Variants in FAM110B observed in about 807,000 individuals in gnomAD.
The protein encoded by FAM110B is protein FAM110B.
FAM110B carries 6 observed loss-of-function variants against 20.4 expected under a neutral mutation model. That is an observed-to-expected ratio of 0.29 (90% CI 0.16 to 0.58). The LOEUF (loss-of-function observed/expected upper bound fraction) is 0.58. Among genes scored for constraint, FAM110B ranks in the 20% least tolerant of loss-of-function variants. The pLI, the probability that FAM110B is intolerant of heterozygous loss-of-function variation, is 0.90. For synonymous variants in FAM110B, 226 were observed against 214.1 expected (o/e 1.06, Z -0.49); for missense variants, 434 against 498.2 (o/e 0.87, Z 1.23).
intron 3 of FAM110B, among the ~76,000 whole-genome samples, chr8:58,112,027 T>G (rs1807070068): frequency 6.6e-6 from 1 of 152,334 alleles, no homozygotes; most frequent in South Asian, 2.1e-4. Flanking sequence ...TATTAAAGTT[T>G]AAAATTAGTA....
At chr8:58,020,903 C>T (rs1316811318) in intron 1 of FAM110B, among the ~76,000 whole-genome samples, 2 of 139,862 alleles carry the variant, frequency 1.4e-5, no homozygotes, top group South Asian at 2.2e-4. Flanking sequence ...CTGATCTAGA[C>T]GAGGCGTCCT....
rs1330229816 is a variant in FAM110B, at chr8:58,147,568, A to G, written c.*225A>G. 6 of 577,928 alleles carry G rather than the reference A, an allele frequency of 1.0e-5. No homozygotes were observed. The highest frequency in any genetic ancestry group is 1.9e-5 in the Non-Finnish European group (6 of 322,050). The allele number at this position is 577,928 out of a possible 1,614,324, so 35.8% of individuals were successfully genotyped here. A position where few individuals can be genotyped will look rare whatever the true frequency, so the allele number is the denominator to read the frequency against. On this transcript the variant is annotated 3_prime_UTR_variant, in exon 4 of 4. Coordinates refer to ENST00000519262, the MANE Select transcript of FAM110B (RefSeq NM_001377989.1). The stretch of plus-strand genomic sequence containing the variant: ...CATCTGCCAAAAGTTTCAGGCCAGA[A>G]TCTAATTAGGGCTTTGCTCGTAAGC...
intron 2 of FAM110B, among the ~76,000 whole-genome samples, chr8:58,051,327 T>C (rs1325607664): frequency 6.6e-6 from 1 of 152,154 alleles, no homozygotes; most frequent in African/African-American, 2.4e-5. Context: ...CAGATTAACC[T>C]TGAAGCTGTG....
At chr8:58,023,280 C>G (rs1363406780) in intron 1 of FAM110B, among the ~76,000 whole-genome samples, 1 of 152,090 alleles carries the variant, frequency 6.6e-6, no homozygotes, top group Non-Finnish European at 1.5e-5. Context: ...GAAGTGCTTT[C>G]TACTTTAGGT....
chr8:58,051,933 T>A (rs1805451215), intron 2 of FAM110B, among the ~76,000 whole-genome samples: 1 of 152,222 alleles, frequency 6.6e-6, no homozygotes, highest in Non-Finnish European at 1.5e-5. Context: ...CTATAACATT[T>A]ATTACTCTGG....
rs1803411751 is a variant in FAM110B, at chr8:58,129,959, T to C, written c.-324-15948T>C. ...TTAAATTCTTATTACAGTTTATCTT[T>C]AAAATTCTGCCTTCATGTTCTGTCT... is the stretch of plus-strand genomic sequence containing the variant. On this transcript the variant is annotated intron_variant, in intron 3 of 3. Coordinates refer to ENST00000519262, the MANE Select transcript of FAM110B (RefSeq NM_001377989.1). Among the ~76,000 whole-genome samples the C allele has an allele frequency of 2.6e-5, 4 of 152,222 alleles. No homozygotes were observed. The South Asian group carries it at 8.3e-4, about 32-fold the overall frequency.
rs199616146 is a variant in FAM110B, at chr8:58,146,748, G to A, written c.518G>A (p.Ser173Asn). ...GTCTACCCCACGCAGGGCCGCAGGA[G>A]CCCGCAGGAGGGCGGCTCCCACGTG... ...LKVYPTQGRRSPQEGGSHVGR... is the reference protein window; with the variant it reads ...LKVYPTQGRRNPQEGGSHVGR... The change falls in exon 4 of 4, where the codon AGC (serine) becomes AAC (asparagine). Residue 173 changes from serine (S) to asparagine (N), a missense_variant. By Grantham distance (46) the Ser-to-Asn change is conservative. Coordinates refer to ENST00000519262, the MANE Select transcript of FAM110B (RefSeq NM_001377989.1). 1 of 1,612,032 alleles carries A rather than the reference G, an allele frequency of 6.2e-7. No homozygotes were observed.
intron 3 of FAM110B, among the ~76,000 whole-genome samples, chr8:58,096,166 C>A (rs986749779): frequency 6.6e-6 from 1 of 152,132 alleles, no homozygotes; most frequent in African/African-American, 2.4e-5. Flanking sequence ...CTGAGTACAG[C>A]ATACCAATGG....
intron 2 of FAM110B, among the ~76,000 whole-genome samples, chr8:58,039,389 C>G (rs1053336216): frequency 1.3e-5 from 2 of 152,210 alleles, no homozygotes; most frequent in Non-Finnish European, 2.9e-5. Flanking sequence ...TGGAGCACCA[C>G]AGGCCTGTTC....
At chr8:58,118,909 T>C (rs1316518146) in intron 3 of FAM110B, among the ~76,000 whole-genome samples, 1 of 152,252 alleles carries the variant, frequency 6.6e-6, no homozygotes. Context: ...GTCTCATTTT[T>C]AGATTCTTGT....
At chr8:58,109,867 T>C in intron 3 of FAM110B, among the ~76,000 whole-genome samples, 1 of 152,354 alleles carries the variant, frequency 6.6e-6, no homozygotes, top group Middle Eastern at 3.4e-3. Context: ...CAACTGATTT[T>C]TTATGGGAGA....
chr8:58,010,163 C>T (rs932456877), intron 1 of FAM110B, among the ~76,000 whole-genome samples: 15 of 151,562 alleles, frequency 9.9e-5, no homozygotes, highest in Admixed American at 2.6e-4. Context: ...ATTACAGATG[C>T]GCAACATGAC....
intron 1 of FAM110B, among the ~76,000 whole-genome samples, chr8:58,002,864 G>C (rs945177435): frequency 3.3e-5 from 5 of 152,190 alleles, no homozygotes; most frequent in African/African-American, 1.2e-4. Flanking sequence ...GCTGGTGACT[G>C]ATCAGGGTGG....
At chr8:58,059,997 AT>A (rs1805623325) in intron 2 of FAM110B, among the ~76,000 whole-genome samples, 1 of 151,706 alleles carries the variant, frequency 6.6e-6, no homozygotes, top group African/African-American at 2.4e-5. Flanking sequence ...AATACTTTAA[AT>A]TTTTCATTGT....
At chr8:58,114,791 CT>C (rs974064915) in intron 3 of FAM110B, among the ~76,000 whole-genome samples, 2 of 152,168 alleles carry the variant, frequency 1.3e-5, no homozygotes, top group African/African-American at 4.8e-5. Flanking sequence ...TATTTTATCT[CT>C]TTTTGCAGAT....
rs1331079470 is a variant in FAM110B at position 58,148,169 on chromosome 8, T to TG, written c.*826_*827insG. The TG allele has an allele frequency of 6.8e-6, 1 of 147,966 alleles. No homozygotes were observed. Among genetic ancestry groups the TG allele is most frequent in the Admixed American group, 7.6e-5 (1 of 13,076 alleles). 9.2% of individuals were successfully genotyped at this position (147,966 alleles called of 1,614,324 possible). A position where few individuals can be genotyped will look rare whatever the true frequency, so the allele number is the denominator to read the frequency against. ...AAAAAAAAAGTTGTGGTTTTTTGTTTTTTTTTTTTTTTTTTTTGGTCGAGA... is the reference window on the plus strand; with the variant it reads ...AAAAAAAAAGTTGTGGTTTTTTGTTTGTTTTTTTTTTTTTTTTTGGTCGAGA... On this transcript the variant is annotated 3_prime_UTR_variant, in exon 4 of 4. Transcript: ENST00000519262.
At chr8:58,041,615 A>G (rs1805223051) in intron 2 of FAM110B, among the ~76,000 whole-genome samples, 1 of 152,210 alleles carries the variant, frequency 6.6e-6, no homozygotes, top group Non-Finnish European at 1.5e-5. Context: ...TCTTGTTGCC[A>G]GGTAGGGAAG....
At chr8:58,040,833 C>G (rs552328135) in intron 2 of FAM110B, among the ~76,000 whole-genome samples, 1 of 151,552 alleles carries the variant, frequency 6.6e-6, no homozygotes, top group East Asian at 1.9e-4. Context: ...CTCTACTATC[C>G]TTAAGTTGGC....
chr8:58,036,161 T>C (rs1302353348), intron 2 of FAM110B, among the ~76,000 whole-genome samples: 2 of 152,336 alleles, frequency 1.3e-5, no homozygotes, highest in East Asian at 3.9e-4. Flanking sequence ...TCATGCTGAC[T>C]TAAGTCCACC....
Sources: allele counts gnomAD v4.1 joint callset (sites outside exome capture counted in the v4.1 genomes callset), GRCh38; gene constraint gnomAD v4.1.1; transcripts MANE v1.5; gene names NCBI Gene and HGNC (gene_info 2026-07-23, HGNC 2026-07-21).